DAB1: variants seen among roughly 807,000 people sequenced by gnomAD.
DAB1 encodes DAB adaptor protein 1, also known as disabled homolog 1.
Under a neutral mutation model 64.6 loss-of-function variants are expected in DAB1, and 15 were observed. The observed-to-expected ratio is 0.23, with a 90% CI of 0.16 to 0.36. The LOEUF (loss-of-function observed/expected upper bound fraction) is 0.36, where lower values mean the gene tolerates loss of function less well. Ranked by LOEUF, DAB1 falls within the 10% of genes least tolerant of loss-of-function variation. DAB1 has a pLI of 1.00. For synonymous variants in DAB1, 235 were observed against 251.9 expected (o/e 0.93, Z 0.64); for missense variants, 596 against 706.7 (o/e 0.84, Z 1.78).
At chr1:57,120,070 T>C (rs1209178721) in intron 4 of DAB1, among the ~76,000 whole-genome samples, 2 of 152,168 alleles carry the variant, frequency 1.3e-5, no homozygotes, top group Non-Finnish European at 2.9e-5. Context: ...TAATTTCAGC[T>C]ATGTGTAGAA....
chr1:58,171,375 G>C (rs1216712572), intron 4 of DAB1, among the ~76,000 whole-genome samples: 2 of 152,170 alleles, frequency 1.3e-5, no homozygotes, highest in Non-Finnish European at 2.9e-5. Context: ...AAAGCTCAAG[G>C]CTTAGTAAGG....
chr1:57,136,393 C>T, intron 4 of DAB1, 150 bp downstream of exon 4: 1 of 418,634 alleles, frequency 2.4e-6, no homozygotes, highest in Non-Finnish European at 4.2e-6. Context: ...AAGAGACCTG[C>T]TTTGATGGAT....
intron 6 of DAB1, among the ~76,000 whole-genome samples, chr1:57,820,322 G>T (rs1652059512): frequency 1.3e-5 from 2 of 152,244 alleles, no homozygotes; most frequent in Middle Eastern, 3.4e-3. Context: ...TGAAAAGACA[G>T]CCCAGCTCTG....
intron 3 of DAB1, among the ~76,000 whole-genome samples, chr1:58,489,384 G>A (rs534878468): frequency 7.9e-4 from 120 of 152,304 alleles, no homozygotes; most frequent in African/African-American, 2.5e-3. Context: ...AGGTGGCAGC[G>A]AGGCTGGGGG....
intron 8 of DAB1, among the ~76,000 whole-genome samples, chr1:57,064,421 G>A (rs114997388): frequency 9.7e-4 from 147 of 152,250 alleles, no homozygotes; most frequent in African/African-American, 3.2e-3. Flanking sequence ...TGTGCCAGGC[G>A]CTGTTCTAAA....
intron 4 of DAB1, among the ~76,000 whole-genome samples, chr1:58,240,217 A>C (rs547969154): frequency 3.5e-4 from 54 of 152,208 alleles, no homozygotes; most frequent in Non-Finnish European, 5.1e-4. Context: ...AATATTCCTT[A>C]GTCTCCCTTC....
chr1:58,014,179 A>G (rs1646707805), intron 5 of DAB1, among the ~76,000 whole-genome samples: 1 of 152,230 alleles, frequency 6.6e-6, no homozygotes, highest in Admixed American at 6.5e-5. Flanking sequence ...TGGGAGTACA[A>G]GGTTTTGAAC....
chr1:57,837,120 A>T (rs1183011236), intron 1 of DAB1, among the ~76,000 whole-genome samples: 2 of 152,224 alleles, frequency 1.3e-5, no homozygotes, highest in African/African-American at 2.4e-5. Context: ...CTACAACAGT[A>T]GTCTCATAAT....
chr1:58,313,854 TGTGA>T (rs1348208045), intron 4 of DAB1, among the ~76,000 whole-genome samples: 198 of 117,902 alleles, frequency 1.7e-3, no homozygotes, highest in Middle Eastern at 4.4e-3. Context: ...TGTGTGTGTG[TGTGA>T]GAGAGAGAGA....
intron 6 of DAB1, among the ~76,000 whole-genome samples, chr1:57,745,138 G>A (rs3118048): frequency 0.5 from 76,256 of 151,934 alleles, 19,172 homozygotes; most frequent in Admixed American, 0.54. Context: ...AGTAATATCT[G>A]CTTCTGGTGT....
chr1:57,968,712 A>G (rs545605607), intron 5 of DAB1, among the ~76,000 whole-genome samples: 1 of 152,176 alleles, frequency 6.6e-6, no homozygotes, highest in Non-Finnish European at 1.5e-5. Flanking sequence ...GAACATAGCT[A>G]CTATTTGCCA....
intron 5 of DAB1, among the ~76,000 whole-genome samples, chr1:58,079,664 G>A (rs1649874364): frequency 2.0e-5 from 3 of 151,852 alleles, no homozygotes; most frequent in Admixed American, 2.0e-4. Context: ...GGGATTACAG[G>A]CACCTGCCAC....
rs680374 is a variant in DAB1, at chr1:58,285,169, C to T, written n.309+58183G>A. Among the ~76,000 whole-genome samples the T allele has an allele frequency of 9.8e-3, 1,485 of 152,216 alleles. 31 individuals carry two copies. The highest frequency in any genetic ancestry group is 0.034 in the African/African-American group (1,401 of 41,544). ...GGAACATATCTCAAAATAGTAAGAG[C>T]CATTTATGACAAACCCACAGCCAAT... is the stretch of plus-strand genomic sequence containing the variant. On this transcript the variant is annotated intron_variant and non_coding_transcript_variant, in intron 4 of 20. Coordinates refer to the DAB1 transcript ENST00000485760.
chr1:57,557,387 A>T (rs1645001501), intron 7 of DAB1, among the ~76,000 whole-genome samples: 1 of 152,054 alleles, frequency 6.6e-6, no homozygotes, highest in Middle Eastern at 3.2e-3. Flanking sequence ...TGATCATGTA[A>T]GTTAATACTT....
chr1:57,424,457 C>T (rs1244276051), upstream of DAB1, among the ~76,000 whole-genome samples: 1 of 152,094 alleles, frequency 6.6e-6, no homozygotes, highest in African/African-American at 2.4e-5. Context: ...GAGGGGTCCC[C>T]GCCCCAGCCG....
intron 1 of DAB1, among the ~76,000 whole-genome samples, chr1:57,371,778 T>G (rs139792842): frequency 8.2e-4 from 125 of 152,346 alleles, no homozygotes; most frequent in African/African-American, 3.0e-3. Flanking sequence ...GCCACCACTT[T>G]AAGGCAGTGA....
chr1:57,425,844 T>C (rs1004177865), upstream of DAB1, among the ~76,000 whole-genome samples: 5 of 152,094 alleles, frequency 3.3e-5, no homozygotes, highest in Non-Finnish European at 7.4e-5. Flanking sequence ...TTCTAGAAAG[T>C]GGGGACAATT....
chr1:58,446,881 C>T (rs547142000), intron 3 of DAB1, among the ~76,000 whole-genome samples: 3 of 152,270 alleles, frequency 2.0e-5, no homozygotes, highest in African/African-American at 7.2e-5. Flanking sequence ...AATAAATTAC[C>T]ATGGTGTGCT....
intron 4 of DAB1, among the ~76,000 whole-genome samples, chr1:57,107,698 A>T (rs1220074055): frequency 6.6e-6 from 1 of 152,180 alleles, no homozygotes; most frequent in Non-Finnish European, 1.5e-5. Context: ...AAGCTGAAGG[A>T]TTCTTTCTGT....
Sources: gnomAD v4.1 joint callset for allele counts (sites outside exome capture counted in the v4.1 genomes callset) on GRCh38, gnomAD v4.1.1 for gene constraint, MANE v1.5 for transcripts, NCBI Gene and HGNC (gene_info 2026-07-23, HGNC 2026-07-21) for gene names.